Variants in TRUB1 observed in about 807,000 individuals in gnomAD.
TRUB1 encodes TruB pseudouridine synthase family member 1.
TRUB1 carries 23 observed loss-of-function variants against 33.9 expected under a neutral mutation model. The ratio of observed to expected loss-of-function variants is 0.68; its 90% CI spans 0.49 to 0.96. The LOEUF (loss-of-function observed/expected upper bound fraction) is 0.96. TRUB1 is among the 40% of genes least tolerant of loss of function. The pLI, the probability that TRUB1 is intolerant of heterozygous loss-of-function variation, is 0.00. For synonymous variants in TRUB1, 163 were observed against 165.4 expected, an observed-to-expected ratio of 0.99 and a Z score of 0.11; for missense variants, 378 against 422.2, an observed-to-expected ratio of 0.90 and a Z score of 0.92.
chr10:114,939,327 T>C (rs894971523), intron 1 of TRUB1, among the ~76,000 whole-genome samples: 2 of 152,228 alleles, frequency 1.3e-5, no homozygotes, highest in Non-Finnish European at 2.9e-5. Flanking sequence ...AAGCCAGGTC[T>C]GTGCTAGCCT....
At chr10:114,940,584 C>T (rs867040218) in intron 1 of TRUB1, among the ~76,000 whole-genome samples, 2 of 152,114 alleles carry the variant, frequency 1.3e-5, no homozygotes, top group Non-Finnish European at 2.9e-5. Flanking sequence ...CCTAAGTGTA[C>T]CAGAATTTTA....
Position 114,972,061 on chromosome 10 carries a change from T to C in TRUB1, c.597-74T>C, listed in dbSNP as rs562151046. On this transcript the variant is annotated intron_variant, in intron 5 of 7. Transcript: ENST00000298746. Reference sequence around the variant, plus strand: ...TTCCATGCTAAATCTGAAATTATCATCTCCCAATCCTTCCAAATCCCTCTC... The same window carrying C: ...TTCCATGCTAAATCTGAAATTATCACCTCCCAATCCTTCCAAATCCCTCTC... The C allele has an allele frequency of 3.3e-6, 5 of 1,520,782 alleles. No individual in the cohort carries two copies. The Admixed American group carries it at 8.6e-5, about 26-fold the overall frequency. The allele number at this position is 1,520,782 out of a possible 1,614,324, so 94.2% of individuals were successfully genotyped here. A position where few individuals can be genotyped will look rare whatever the true frequency, so the allele number is the denominator to read the frequency against.
chr10:114,975,857 T>A lies in TRUB1; in HGVS notation c.*478T>A, dbSNP rs957737594. ...AAAGTGGCCATTATTGATCTCTTTCTTCTGTTTTGGAGAGTTTATTATTAA... is the reference window on the plus strand; with the variant it reads ...AAAGTGGCCATTATTGATCTCTTTCATCTGTTTTGGAGAGTTTATTATTAA... On this transcript the variant is annotated 3_prime_UTR_variant, in exon 8 of 8. Coordinates refer to ENST00000298746, the MANE Select transcript of TRUB1 (RefSeq NM_139169.5). 6.6e-6 allele frequency: 1 copy of A among 152,272 alleles called. No homozygotes were observed. Among genetic ancestry groups the A allele is most frequent in the Non-Finnish European group, 1.5e-5 (1 of 68,086 alleles). 9.4% of individuals were successfully genotyped at this position (152,272 alleles called of 1,614,324 possible).
intron 4 of TRUB1, among the ~76,000 whole-genome samples, chr10:114,964,763 C>T (rs1352840160): frequency 6.6e-6 from 1 of 151,850 alleles, no homozygotes; most frequent in Non-Finnish European, 1.5e-5. Flanking sequence ...ACACATCAAG[C>T]ACCCACTTAG....
intron 4 of TRUB1, among the ~76,000 whole-genome samples, chr10:114,964,185 G>T (rs2084296612): frequency 6.6e-6 from 1 of 152,158 alleles, no homozygotes; most frequent in South Asian, 2.1e-4. Context: ...GGCTGTTCTG[G>T]TGAGTGTGTA....
At chr10:114,941,710 C>T (rs11197000) in intron 1 of TRUB1, among the ~76,000 whole-genome samples, 44,714 of 152,040 alleles carry the variant, frequency 0.29, 7,820 homozygotes, top group Non-Finnish European at 0.4. Flanking sequence ...AATCTAAATG[C>T]TTAGGAAGTT....
chr10:114,954,468 T>G (rs568800025), intron 3 of TRUB1, among the ~76,000 whole-genome samples: 28 of 152,314 alleles, frequency 1.8e-4, no homozygotes, highest in African/African-American at 6.3e-4. Context: ...CATCACATTA[T>G]TTTGCTTCCA....
intron 1 of TRUB1, among the ~76,000 whole-genome samples, chr10:114,939,329 T>C (rs1412654110): frequency 6.6e-6 from 1 of 152,224 alleles, no homozygotes; most frequent in Non-Finnish European, 1.5e-5. Context: ...GCCAGGTCTG[T>C]GCTAGCCTAT....
intron 3 of TRUB1, among the ~76,000 whole-genome samples, chr10:114,959,363 C>G (rs973285962): frequency 6.6e-6 from 1 of 152,076 alleles, no homozygotes; most frequent in African/African-American, 2.4e-5. Context: ...GGAGTCAAGG[C>G]TATTGTACCA....
Position 114,975,471 on chromosome 10 carries a change from A to ATTGTT in TRUB1, c.*93_*94insTGTTT. On this transcript the variant is annotated 3_prime_UTR_variant, in exon 8 of 8. Transcript: ENST00000298746. ...AAGCTGCATTCAAAAGACAAACAAT[A>ATTGTT]TGTCTTTTTTTTTTTTGCATGAAGA... 3 of 1,241,238 alleles carry ATTGTT rather than the reference A, an allele frequency of 2.4e-6. No homozygotes were observed. The highest frequency in any genetic ancestry group is 3.2e-6 in the Non-Finnish European group (3 of 925,094). The allele number at this position is 1,241,238 out of a possible 1,614,324, so 76.9% of individuals were successfully genotyped here.
intron 6 of TRUB1, among the ~76,000 whole-genome samples, 200 bp downstream of exon 6, chr10:114,972,474 G>A (rs1410238150): frequency 6.6e-6 from 1 of 152,158 alleles, no homozygotes; most frequent in East Asian, 1.9e-4. Context: ...GTTCAGAAAT[G>A]CGTTTCTAAC....
chr10:114,948,540 C>T (rs75137785), intron 2 of TRUB1, among the ~76,000 whole-genome samples: 1,869 of 152,128 alleles, frequency 0.012, 30 homozygotes, highest in African/African-American at 0.042. Context: ...AAATTCTGTC[C>T]GGGAAACTAA....
intron 2 of TRUB1, 37 bp downstream of exon 2, chr10:114,942,780 A>G: frequency 7.7e-7 from 1 of 1,294,620 alleles, no homozygotes; most frequent in South Asian, 1.2e-5. Flanking sequence ...GTCCACTGTC[A>G]CTTAATATCA....
chr10:114,951,343 C>T (rs2084234602), intron 3 of TRUB1, among the ~76,000 whole-genome samples, 194 bp downstream of exon 3: 1 of 151,880 alleles, frequency 6.6e-6, no homozygotes, highest in South Asian at 2.1e-4. Context: ...ATTGAAAAAC[C>T]AATTAGACTT....
chr10:114,956,300 G>T (rs917031382), intron 3 of TRUB1, among the ~76,000 whole-genome samples: 13 of 152,114 alleles, frequency 8.5e-5, no homozygotes, highest in African/African-American at 3.1e-4. Context: ...CGGTTCCCAG[G>T]TATACGTCTT....
intron 1 of TRUB1, among the ~76,000 whole-genome samples, chr10:114,939,583 A>T (rs80163659): frequency 0.015 from 2,280 of 152,330 alleles, 39 homozygotes; most frequent in East Asian, 0.088. Flanking sequence ...TATAACTGAC[A>T]GTACAGATTT....
intron 3 of TRUB1, among the ~76,000 whole-genome samples, chr10:114,954,407 C>A (rs144644249): frequency 2.6e-4 from 39 of 152,352 alleles, no homozygotes; most frequent in African/African-American, 9.1e-4. Context: ...CTTCATACAA[C>A]TACTGTCACT....
chr10:114,971,640 ATT>A, intron 5 of TRUB1, among the ~76,000 whole-genome samples: 1 of 152,290 alleles, frequency 6.6e-6, no homozygotes, highest in South Asian at 2.1e-4. Context: ...TTCTAGTAAA[ATT>A]TTATCACGAA....
chr10:114,947,713 G>A (rs966088991), intron 2 of TRUB1, among the ~76,000 whole-genome samples: 2 of 152,018 alleles, frequency 1.3e-5, no homozygotes, highest in African/African-American at 4.8e-5. Flanking sequence ...TATTTTTAAT[G>A]GCTATAAAAT....
Sources: gnomAD v4.1 joint callset for allele counts (sites outside exome capture counted in the v4.1 genomes callset) on GRCh38, gnomAD v4.1.1 for gene constraint, MANE v1.5 for transcripts, NCBI Gene and HGNC (gene_info 2026-07-23, HGNC 2026-07-21) for gene names.